SYNE1: variants seen among roughly 807,000 people sequenced by gnomAD.
The protein encoded by SYNE1 is spectrin repeat containing nuclear envelope protein 1, also known as nesprin-1.
A neutral mutation model predicts 1,111.0 loss-of-function variants in SYNE1; 616 were observed. The observed-to-expected ratio is 0.55, with a 90% CI of 0.52 to 0.59. SYNE1 has a LOEUF of 0.59. SYNE1 is among the 20% of genes least tolerant of loss of function. The pLI is 0.00. For missense variants in SYNE1, 10,006 were observed against 10,417.0 expected (o/e 0.96, Z 1.72); for synonymous variants, 3,855 against 3,825.8 (o/e 1.01, Z -0.28).
At chr6:152,373,270 T>C (rs1432239532) in intron 58 of SYNE1, 51 bp from the exon 59 acceptor site, 1 of 1,521,422 alleles carries the variant, frequency 6.6e-7, no homozygotes, top group Non-Finnish European at 8.8e-7. Context: ...GTGTGTTGTT[T>C]CTATTTTTTC....
intron 145 of SYNE1, chr6:152,127,363 AACAC>A (rs2053837979): frequency 6.6e-6 from 1 of 152,162 alleles, no homozygotes; most frequent in Admixed American, 6.5e-5. Context: ...AATGAGGTAA[AACAC>A]ATACAATGCT....
intron 98 of SYNE1, among the ~76,000 whole-genome samples, chr6:152,273,157 G>A (rs2093337886): frequency 6.6e-6 from 1 of 152,204 alleles, no homozygotes; most frequent in Admixed American, 6.5e-5. Flanking sequence ...CACCCAATGT[G>A]GGCAGGGTCA....
chr6:152,149,447 A>G, intron 136 of SYNE1, 30 bp downstream of exon 136: 1 of 1,613,484 alleles, frequency 6.2e-7, no homozygotes, highest in Non-Finnish European at 8.5e-7. Context: ...TTTAGATTTA[A>G]TGACAACTAA....
chr6:152,353,879 C>T lies in SYNE1; in HGVS notation c.10927-135G>A, dbSNP rs2096786680. ...TTTTGAGATTTAATTTTGAAAATGC[C>T]ATATGTTATCTTCATAAATATTATA... On this transcript the variant is annotated intron_variant, in intron 67 of 145. Transcript: ENST00000367255. 3 of 1,061,520 alleles carry T rather than the reference C, an allele frequency of 2.8e-6. No homozygotes were observed. The South Asian group carries it at 3.9e-5, about 14-fold the overall frequency. 65.8% of individuals were successfully genotyped at this position (1,061,520 alleles called of 1,614,324 possible).
chr6:152,385,295 A>G (rs868650445), intron 55 of SYNE1, among the ~76,000 whole-genome samples: 22 of 152,228 alleles, frequency 1.4e-4, no homozygotes, highest in African/African-American at 5.3e-4. Flanking sequence ...AAAGCAGAAC[A>G]AAACATCCAG....
chr6:152,384,040 T>C (rs2097477978), intron 55 of SYNE1, among the ~76,000 whole-genome samples: 1 of 152,236 alleles, frequency 6.6e-6, no homozygotes, highest in African/African-American at 2.4e-5. Flanking sequence ...ATTTTCTTAT[T>C]GGGTGTGTTC....
intron 15 of SYNE1, chr6:152,471,996 T>C: frequency 1.7e-6 from 1 of 597,832 alleles, no homozygotes; most frequent in Middle Eastern, 4.6e-4. Context: ...ATCTCTCGTC[T>C]GTTTCTTTTA....
rs536205043 is a variant in SYNE1 at position 152,546,687 on chromosome 6, C to A, written c.68-6666G>T. ...ATTCCTATTTTTGGGGATTGGGAGG[C>A]TTTACTTATTTTTAAAAACTCTATT... On this transcript the variant is annotated intron_variant, in intron 3 of 145. Transcript: ENST00000367255. 7 of 152,174 alleles carry A rather than the reference C, an allele frequency of 4.6e-5. No homozygotes were observed. In the East Asian group the frequency reaches 5.8e-4, roughly 13 times the overall value. The allele number at this position is 152,174 out of a possible 1,614,324, so 9.4% of individuals were successfully genotyped here.
At chr6:152,302,356 T>C (rs904559513) in intron 91 of SYNE1, 3 of 501,716 alleles carry the variant, frequency 6.0e-6, no homozygotes, top group Admixed American at 6.6e-5. Flanking sequence ...AGAGGCCCCA[T>C]ATGGAATCAT....
At chr6:152,552,888 G>T (rs1011853870) in intron 3 of SYNE1, among the ~76,000 whole-genome samples, 13 of 152,286 alleles carry the variant, frequency 8.5e-5, no homozygotes, top group African/African-American at 3.1e-4. Flanking sequence ...CGCGGCAGCT[G>T]CAGGGGTTTC....
At chr6:152,251,181 G>A (rs2089125456) in intron 104 of SYNE1, among the ~76,000 whole-genome samples, 1 of 151,852 alleles carries the variant, frequency 6.6e-6, no homozygotes, top group Non-Finnish European at 1.5e-5. Flanking sequence ...GAACTCCTGA[G>A]CTCAGGTGAT....
intron 127 of SYNE1, among the ~76,000 whole-genome samples, chr6:152,190,751 C>T (rs1316325318): frequency 6.6e-6 from 1 of 152,126 alleles, no homozygotes; most frequent in Admixed American, 6.5e-5. Flanking sequence ...CATCTTTCTA[C>T]TCTCTATCTC....
chr6:152,565,742 T>G (rs1286903825), intron 3 of SYNE1, among the ~76,000 whole-genome samples: 1 of 152,198 alleles, frequency 6.6e-6, no homozygotes, highest in Non-Finnish European at 1.5e-5. Context: ...GGAGATGGTT[T>G]TCAGTTGTTT....
chr6:152,286,264 T>A (rs1354488953), intron 95 of SYNE1, among the ~76,000 whole-genome samples: 1 of 152,214 alleles, frequency 6.6e-6, no homozygotes, highest in Non-Finnish European at 1.5e-5. Context: ...TCCAGGATTC[T>A]ATAAGCTCTT....
chr6:152,447,586 G>A lies in SYNE1; in HGVS notation c.3541C>T (p.Leu1181Phe), dbSNP rs1203451912. The A allele has an allele frequency of 8.7e-6, 14 of 1,614,050 alleles. No individual in the cohort carries two copies. Among genetic ancestry groups the A allele is most frequent in the Non-Finnish European group, 1.2e-5 (14 of 1,180,034 alleles). ...TTCAGCCTGGATTTCAGCCAGCTGA[G>A]GGTCTCACCCCTTTTGGTAACACCA... Reference protein sequence around the residue: ...RNGVTKRGETLSWLKSRLKVL... With the variant: ...RNGVTKRGETFSWLKSRLKVL... The change falls in exon 29 of 146, where the codon CTC becomes TTC. Residue 1181 changes from leucine (L) to phenylalanine (F), a missense_variant. By Grantham distance (22) the Leu-to-Phe change is conservative. Coordinates refer to ENST00000367255, the MANE Select transcript of SYNE1 (RefSeq NM_182961.4).
At chr6:152,195,863 T>C (rs1052233839) in intron 127 of SYNE1, among the ~76,000 whole-genome samples, 38 of 120,132 alleles carry the variant, frequency 3.2e-4, no homozygotes, top group African/African-American at 1.3e-3. Flanking sequence ...GCTTGTGTTC[T>C]TCTCTTCAGG....
At chr6:152,532,205 C>A (rs2099206192) in intron 4 of SYNE1, among the ~76,000 whole-genome samples, 1 of 152,012 alleles carries the variant, frequency 6.6e-6, no homozygotes, top group Non-Finnish European at 1.5e-5. Flanking sequence ...CCGTATTGAC[C>A]AATATCATGC....
At chr6:152,568,539 T>A (rs1233329260) in intron 3 of SYNE1, among the ~76,000 whole-genome samples, 1 of 152,094 alleles carries the variant, frequency 6.6e-6, no homozygotes, top group African/African-American at 2.4e-5. Flanking sequence ...CTGACCTCAG[T>A]TGATCCACCT....
At position 152,254,946 on chromosome 6, in the gene SYNE1, T is replaced by C; in HGVS notation, c.19404A>G (p.Leu6468=). Residue 6468 remains leucine (L), a synonymous_variant, in exon 104 of 146, where the codon CTA becomes CTG. Coordinates refer to ENST00000367255, the MANE Select transcript of SYNE1 (RefSeq NM_182961.4). ...LGCLLGRLSL[L]DSVVNQRCHQ... Reference sequence around the variant, plus strand: ...GACATCGTTGATTCACTACTGAGTCTAGCAAGGATAACCTGCCCAAAAGAC... The same window carrying C: ...GACATCGTTGATTCACTACTGAGTCCAGCAAGGATAACCTGCCCAAAAGAC... The C allele has an allele frequency of 6.2e-7, 1 of 1,614,040 alleles. No individual in the cohort carries two copies.
Sources: gnomAD v4.1 joint callset for allele counts (sites outside exome capture counted in the v4.1 genomes callset) on GRCh38, gnomAD v4.1.1 for gene constraint, MANE v1.5 for transcripts, NCBI Gene and HGNC (gene_info 2026-07-23, HGNC 2026-07-21) for gene names.